ALOX12B: variants seen among roughly 807,000 people sequenced by gnomAD.
ALOX12B encodes the protein arachidonate 12-lipoxygenase, 12R type.
Under a neutral mutation model 78.9 loss-of-function variants are expected in ALOX12B, and 47 were observed. The observed-to-expected ratio is 0.60, with a 90% CI of 0.47 to 0.76. The LOEUF is 0.76. Ranked by LOEUF, ALOX12B falls within the 30% of genes least tolerant of loss-of-function variation. The probability of loss-of-function intolerance (pLI) is 0.00; values close to 1 mark genes in which losing one functional copy is unlikely to be tolerated. For synonymous variants in ALOX12B, 370 were observed against 374.5 expected, an observed-to-expected ratio of 0.99 and a Z score of 0.14; for missense variants, 805 against 922.6, an observed-to-expected ratio of 0.87 and a Z score of 1.65.
chr17:8,077,271 AGAAG>A (rs1977108481), intron 8 of ALOX12B, 78 bp from the exon 9 acceptor site: 1 of 1,414,606 alleles, frequency 7.1e-7, no homozygotes, highest in Admixed American at 2.0e-5. Flanking sequence ...GGAAGGAGGC[AGAAG>A]GGAGTATGAG....
chr17:8,083,459 G>A (rs72845571), intron 2 of ALOX12B, among the ~76,000 whole-genome samples: 26,716 of 152,136 alleles, frequency 0.18, 2,432 homozygotes, highest in South Asian at 0.22. Flanking sequence ...GGCCAGGTGC[G>A]GTGGTTCACG....
chr17:8,084,928 G>A (rs1978292390), intron 2 of ALOX12B, among the ~76,000 whole-genome samples: 1 of 152,326 alleles, frequency 6.6e-6, no homozygotes, highest in South Asian at 2.1e-4. Context: ...AGGGGTGGGT[G>A]CAAGGAGCTC....
rs1977158874 is a variant in ALOX12B at position 8,079,466 on chromosome 17, T to C, written c.1001A>G (p.Gln334Arg). Residue 334 changes from glutamine to arginine, a missense_variant, in exon 8 of 15, where the codon CAG (glutamine) becomes CGG (arginine). Coordinates refer to ENST00000647874, the MANE Select transcript of ALOX12B (RefSeq NM_001139.3). The surrounding 1 kb of genome is among the most constrained non-coding windows in gnomAD (Gnocchi z 6.4). ...IPTVELSGRKQHHCAPLCLLH... is the reference protein window; with the variant it reads ...IPTVELSGRKRHHCAPLCLLH... ...CAGGCAGAGGGGGGCGCAGTGGTGCTGCTTCCGGCCGCTGAGCTCCACGGT... is the reference window on the plus strand; with the variant it reads ...CAGGCAGAGGGGGGCGCAGTGGTGCCGCTTCCGGCCGCTGAGCTCCACGGT... 1 of 1,551,040 alleles carries C rather than the reference T, an allele frequency of 6.4e-7. No homozygotes were observed.
In ALOX12B at chr17:8,087,527, C is replaced by T. The variant is rs1978306506; in HGVS notation, c.-85G>A. On this transcript the variant is annotated 5_prime_UTR_variant, in exon 1 of 15. Transcript: ENST00000647874. Reference sequence around the variant, plus strand: ...GAAGGCCCAAGGCAGGCAAGAGAAGCCAGGCACAGAGTGGAGTGGACAGGG... The same window carrying T: ...GAAGGCCCAAGGCAGGCAAGAGAAGTCAGGCACAGAGTGGAGTGGACAGGG... The T allele has an allele frequency of 1.9e-6, 3 of 1,602,296 alleles. No homozygotes were observed. Among genetic ancestry groups the T allele is most frequent in the African/African-American group, 1.3e-5 (1 of 74,814 alleles).
chr17:8,076,627 T>C, intron 10 of ALOX12B, 30 bp downstream of exon 10: 1 of 1,543,100 alleles, frequency 6.5e-7, no homozygotes, highest in South Asian at 1.2e-5. Context: ...AAAACAAATG[T>C]CTCGTTGGGG....
At chr17:8,082,305 G>A (rs971887130) in intron 2 of ALOX12B, among the ~76,000 whole-genome samples, 3 of 152,162 alleles carry the variant, frequency 2.0e-5, no homozygotes, top group Non-Finnish European at 4.4e-5. Flanking sequence ...TGGGAAAAGG[G>A]CTTGTGGGGT....
Position 8,079,271 on chromosome 17 carries a change from T to C in ALOX12B, c.1071+125A>G. 7.2e-7 allele frequency: 1 copy of C among 1,388,538 alleles called. No individual in the cohort carries two copies. Among genetic ancestry groups the C allele is most frequent in the Non-Finnish European group, 9.6e-7 (1 of 1,039,978 alleles). 86.0% of individuals were successfully genotyped at this position (1,388,538 alleles called of 1,614,324 possible). ...TCCCGGGGAGGTCCTGGAACCAATC[T>C]CTCAAGGATAACGAGAGACGGCTGA... On this transcript the variant is annotated intron_variant, in intron 8 of 14. Transcript: ENST00000647874. This position sits in a 1 kb window ranked among gnomAD's most constrained non-coding sequence, Gnocchi z 6.4.
chr17:8,085,354 G>A (rs1309724747), intron 2 of ALOX12B, among the ~76,000 whole-genome samples: 1 of 152,182 alleles, frequency 6.6e-6, no homozygotes, highest in Non-Finnish European at 1.5e-5. Context: ...GGCTGAGGCA[G>A]GAGAATCGCT....
At chr17:8,086,827 G>A (rs1978300248) in intron 1 of ALOX12B, among the ~76,000 whole-genome samples, 1 of 152,192 alleles carries the variant, frequency 6.6e-6, no homozygotes, top group Non-Finnish European at 1.5e-5. Context: ...ATGGAAGAGA[G>A]AGGGATGCGG....
intron 2 of ALOX12B, 62 bp downstream of exon 2, chr17:8,085,954 G>T: frequency 6.3e-7 from 1 of 1,588,030 alleles, no homozygotes. Flanking sequence ...GCCATGCCAG[G>T]GTAGCAGGCT....
intron 9 of ALOX12B, 56 bp downstream of exon 9, chr17:8,076,934 G>T: frequency 6.4e-7 from 1 of 1,569,198 alleles, no homozygotes; most frequent in Non-Finnish European, 8.7e-7. Flanking sequence ...GGGGGTTTTC[G>T]GAGGCCAGGT....
Position 8,087,499 on chromosome 17 carries a change from C to T in ALOX12B, c.-57G>A. 3 of 1,612,024 alleles carry T rather than the reference C, an allele frequency of 1.9e-6. No individual in the cohort carries two copies. Among genetic ancestry groups the T allele is most frequent in the Non-Finnish European group, 2.5e-6 (3 of 1,179,878 alleles). On this transcript the variant is annotated 5_prime_UTR_variant, in exon 1 of 15. The change creates a new upstream start codon in the 5' untranslated region. Transcript: ENST00000647874. ...AGTCCCAGACACCGTGGAGGGGCCA[C>T]ACGAAGGCCCAAGGCAGGCAAGAGA...
In ALOX12B at chr17:8,080,128, G is replaced by A; in HGVS notation, c.754+107C>T. 3 of 1,469,224 alleles carry A rather than the reference G, an allele frequency of 2.0e-6. No individual in the cohort carries two copies. Among genetic ancestry groups the A allele is most frequent in the Non-Finnish European group, 2.9e-6 (3 of 1,049,922 alleles). 91.0% of individuals were successfully genotyped at this position (1,469,224 alleles called of 1,614,324 possible). On this transcript the variant is annotated intron_variant, in intron 6 of 14. Transcript: ENST00000647874. The surrounding 1 kb of genome is among the most constrained non-coding windows in gnomAD (Gnocchi z 4.8). The stretch of plus-strand genomic sequence containing the variant: ...CAAGAAGCCGCCAGAGGGCGCGCGC[G>A]CGCCTCGCTGCCTCTCCCGTCCCAC...
intron 9 of ALOX12B, 87 bp from the exon 10 acceptor site, chr17:8,076,830 G>A: frequency 1.4e-6 from 2 of 1,467,442 alleles, no homozygotes; most frequent in Non-Finnish European, 9.3e-7. Flanking sequence ...CGTCAGATCT[G>A]CTCACTCTGG....
chr17:8,084,474 T>C (rs2151824455), intron 2 of ALOX12B, among the ~76,000 whole-genome samples: 1 of 152,322 alleles, frequency 6.6e-6, no homozygotes, highest in East Asian at 1.9e-4. Context: ...CTCCCTGTCC[T>C]GTTGCGTGGC....
chr17:8,086,014 ACCTGTGGCCTC>A lies in ALOX12B; in HGVS notation c.343_352+1del, dbSNP rs774907536. ...GGATGGAGCAGGGTGATGAGGGCTT[ACCTGTGGCCTC>A]CCGGAGTGCCAGGGTCTCGTAGCCA... On this transcript the variant is annotated splice_donor_variant and coding_sequence_variant, in exon 2 of 15. Coordinates refer to ENST00000647874, the MANE Select transcript of ALOX12B (RefSeq NM_001139.3). LOFTEE classifies it high-confidence loss of function. 6.2e-7 allele frequency: 1 copy of A among 1,614,002 alleles called. No homozygotes were observed. Among genetic ancestry groups the A allele is most frequent in the Non-Finnish European group, 8.5e-7 (1 of 1,179,930 alleles).
At position 8,072,729 on chromosome 17, in the gene ALOX12B, G is replaced by A. The variant is rs1342251676; in HGVS notation, c.*42C>T. ...TGTTTGTTTTGTTTTGTTGAAAATA[G>A]TAGGGCACAGAATGGGGAGAGGAGA... is the stretch of plus-strand genomic sequence containing the variant. On this transcript the variant is annotated 3_prime_UTR_variant, in exon 15 of 15. Transcript: ENST00000647874. The A allele has an allele frequency of 6.2e-7, 1 of 1,611,194 alleles. No individual in the cohort carries two copies. The highest frequency in any genetic ancestry group is 1.7e-4 in the Middle Eastern group (1 of 6,040).
chr17:8,081,269 C>T, intron 2 of ALOX12B, 82 bp from the exon 3 acceptor site: 2 of 1,439,296 alleles, frequency 1.4e-6, no homozygotes, highest in Non-Finnish European at 1.9e-6. Context: ...GCTTCTGTGC[C>T]CCAGGTCGTC....
intron 2 of ALOX12B, 144 bp from the exon 3 acceptor site, chr17:8,081,331 A>T (rs1977214148): frequency 2.6e-6 from 2 of 767,994 alleles, no homozygotes; most frequent in Non-Finnish European, 4.6e-6. Flanking sequence ...GGGAGAGTGA[A>T]GGTGCGTCCT....
Sources: gnomAD v4.1 joint callset for allele counts (sites outside exome capture counted in the v4.1 genomes callset) on GRCh38, gnomAD v4.1.1 for gene constraint, Gnocchi (gnomAD v3.1) non-coding constraint, MANE v1.5 for transcripts, NCBI Gene and HGNC (gene_info 2026-07-23, HGNC 2026-07-21) for gene names.